The following HGF variants were observed in gnomAD, a reference collection of about 807,000 sequenced individuals.
HGF encodes the protein fibroblast-derived tumor cytotoxic factor.
Under a neutral mutation model 111.6 loss-of-function variants are expected in HGF, and 39 were observed. The observed-to-expected ratio is 0.35, with a 90% CI of 0.27 to 0.46. The LOEUF (loss-of-function observed/expected upper bound fraction) is 0.46, where lower values mean the gene tolerates loss of function less well. HGF is among the 20% of genes least tolerant of loss of function. The pLI is 1.00. For synonymous variants in HGF, 285 were observed against 294.8 expected (o/e 0.97, Z 0.34); for missense variants, 735 against 910.5 (o/e 0.81, Z 2.48).
chr7:81,721,159 A>G (rs962569835), intron 9 of HGF, among the ~76,000 whole-genome samples: 3 of 152,190 alleles, frequency 2.0e-5, no homozygotes, highest in Non-Finnish European at 4.4e-5. Flanking sequence ...AAGCAGGAGA[A>G]TGGCGTGAAC....
chr7:81,729,845 T>C, intron 7 of HGF, 66 bp from the exon 8 acceptor site: 1 of 1,474,852 alleles, frequency 6.8e-7, no homozygotes, highest in Non-Finnish European at 9.4e-7. Context: ...ATTTGCCTCT[T>C]AGAGTTCATT....
rs151158670 is a variant in HGF, at chr7:81,737,558, G to A, written c.865+5795C>T. On this transcript the variant is annotated intron_variant, in intron 7 of 17. Transcript: ENST00000222390. ...CTTTACACCATGAAACTTTCAGATG[G>A]CACATGATATGTGATATCCTGAAAG... is the stretch of plus-strand genomic sequence containing the variant. Among the ~76,000 whole-genome samples the A allele has an allele frequency of 1.3e-4, 20 of 152,050 alleles. No homozygotes were observed. In the East Asian group the frequency reaches 3.9e-3, roughly 29 times the overall value.
intron 5 of HGF, among the ~76,000 whole-genome samples, chr7:81,747,333 C>T (rs570685918): frequency 0.013 from 1,929 of 151,594 alleles, 18 homozygotes; most frequent in Non-Finnish European, 0.018. Flanking sequence ...AGCGAGACTC[C>T]GTCTCAAAAA....
At chr7:81,765,013 T>G (rs1002152680) in intron 1 of HGF, among the ~76,000 whole-genome samples, 3 of 152,134 alleles carry the variant, frequency 2.0e-5, no homozygotes, top group Admixed American at 2.0e-4. Context: ...AAGAGTTTTA[T>G]ACACGTATTT....
intron 11 of HGF, among the ~76,000 whole-genome samples, chr7:81,715,280 A>G (rs1789679335): frequency 6.6e-6 from 1 of 152,148 alleles, no homozygotes; most frequent in African/African-American, 2.4e-5. Flanking sequence ...AGCCTCCATT[A>G]GTCTTAACCA....
At chr7:81,741,339 T>C (rs191204414) in intron 7 of HGF, among the ~76,000 whole-genome samples, 1 of 152,272 alleles carries the variant, frequency 6.6e-6, no homozygotes, top group East Asian at 1.9e-4. Flanking sequence ...ACAAAGACAT[T>C]GGAATTATAT....
At chr7:81,761,285 C>G (rs1461767398) in intron 2 of HGF, among the ~76,000 whole-genome samples, 2 of 152,194 alleles carry the variant, frequency 1.3e-5, no homozygotes, top group African/African-American at 4.8e-5. Context: ...TCAATTCCCA[C>G]TCCTCTTGCC....
intron 7 of HGF, among the ~76,000 whole-genome samples, chr7:81,738,067 G>T (rs531872000): frequency 3.3e-5 from 5 of 152,180 alleles, no homozygotes; most frequent in Admixed American, 3.3e-4. Flanking sequence ...ATAGACTGGG[G>T]CCCACCAGAG....
At chr7:81,706,220 A>G (rs527424302) in intron 15 of HGF, 67 bp downstream of exon 15, 38 of 1,418,972 alleles carry the variant, frequency 2.7e-5, no homozygotes, top group African/African-American at 5.6e-5. Flanking sequence ...ACTGCCACAC[A>G]GCTGAAGAAA....
At chr7:81,707,068 G>C (rs573805878) in intron 14 of HGF, among the ~76,000 whole-genome samples, 1 of 152,112 alleles carries the variant, frequency 6.6e-6, no homozygotes, top group East Asian at 1.9e-4. Flanking sequence ...TTCCCCAACT[G>C]AGGGTAACAC....
In HGF at chr7:81,702,444, A is replaced by C; in HGVS notation, c.*137T>G. On this transcript the variant is annotated 3_prime_UTR_variant, in exon 18 of 18. Coordinates refer to ENST00000222390, the MANE Select transcript of HGF (RefSeq NM_000601.6). ...CAACAGAAAACACCCATAAACATTA[A>C]TGAGAATTTCAACAAACATGACTCT... 1.4e-6 allele frequency: 1 copy of C among 702,602 alleles called. No homozygotes were observed. The highest frequency in any genetic ancestry group is 2.5e-6 in the Non-Finnish European group (1 of 407,312). The allele number at this position is 702,602 out of a possible 1,614,324, so 43.5% of individuals were successfully genotyped here.
intron 7 of HGF, chr7:81,743,071 G>A (rs921931906): frequency 1.1e-6 from 1 of 922,162 alleles, no homozygotes; most frequent in African/African-American, 1.7e-5. Flanking sequence ...TCTCTCTGTG[G>A]TTTTTTAAAT....
chr7:81,722,286 C>T (rs1789884266), intron 9 of HGF, among the ~76,000 whole-genome samples: 1 of 151,664 alleles, frequency 6.6e-6, no homozygotes, highest in South Asian at 2.1e-4. Context: ...GCCTTAGCCT[C>T]CTGTGTAGCT....
At chr7:81,730,857 A>C (rs1583954053) in intron 7 of HGF, among the ~76,000 whole-genome samples, 1 of 152,286 alleles carries the variant, frequency 6.6e-6, no homozygotes, top group African/African-American at 2.4e-5. Flanking sequence ...GATGAAACTC[A>C]AGTTGGCAGC....
rs372358692 is a variant in HGF, at chr7:81,747,896, G to A, written c.626-2776C>T. On this transcript the variant is annotated intron_variant, in intron 5 of 17. Transcript: ENST00000222390. ...TGCACTGAGCCGAGATGGTGCCACT[G>A]CACCACTCCAGCCTGGGCGACAGAG... Among the ~76,000 whole-genome samples the A allele has an allele frequency of 5.9e-5, 9 of 151,880 alleles. No homozygotes were observed. The East Asian group carries it at 1.6e-3, about 26-fold the overall frequency.
At position 81,720,748 on chromosome 7, in the gene HGF, T is replaced by C; in HGVS notation, c.1268A>G (p.His423Arg). 6.3e-7 allele frequency: 1 copy of C among 1,582,034 alleles called. No individual in the cohort carries two copies. The highest frequency in any genetic ancestry group is 2.2e-5 in the East Asian group (1 of 44,676). Residue 423 changes from histidine (H) to arginine (R), a missense_variant, in exon 10 of 18, where the codon CAT becomes CGT. His to Arg is a conservative substitution (Grantham distance 29). Coordinates refer to ENST00000222390, the MANE Select transcript of HGF (RefSeq NM_000601.6). ...TGAAAGGAAGAAATTTACACACCGA[T>C]GTAAGTCTTCCATGTTCTTGTCCCA... ...SMWDKNMEDL[H>R]RHIFWEPDAS...
chr7:81,746,687 G>C (rs777179920), intron 5 of HGF, among the ~76,000 whole-genome samples: 1 of 152,078 alleles, frequency 6.6e-6, no homozygotes, highest in South Asian at 2.1e-4. Context: ...AATGCAGCTT[G>C]TGATAGTATA....
At chr7:81,734,871 C>T (rs12540393) in intron 7 of HGF, among the ~76,000 whole-genome samples, 117,273 of 152,006 alleles carry the variant, frequency 0.77, 45,435 homozygotes, top group Middle Eastern at 0.88. Context: ...CCCAGATTTC[C>T]CAATGGAGAC....
Position 81,711,466 on chromosome 7 carries a change from T to C in HGF, c.1444+15A>G. On this transcript the variant is annotated intron_variant, in intron 12 of 17. Transcript: ENST00000222390. ...GAGACTCAGAATATACTTTATATTG[T>C]GAAATATTACTTACGGTCTAAATTG... The C allele has an allele frequency of 2.8e-6, 4 of 1,426,922 alleles. No homozygotes were observed. Among genetic ancestry groups the C allele is most frequent in the African/African-American group, 1.4e-5 (1 of 70,926 alleles). The allele number at this position is 1,426,922 out of a possible 1,614,324, so 88.4% of individuals were successfully genotyped here.
Sources: allele counts gnomAD v4.1 joint callset (sites outside exome capture counted in the v4.1 genomes callset), GRCh38; gene constraint gnomAD v4.1.1; transcripts MANE v1.5; gene names NCBI Gene and HGNC (gene_info 2026-07-23, HGNC 2026-07-21).